AGBL3: variants seen among roughly 807,000 people sequenced by gnomAD.
AGBL3 encodes AGBL carboxypeptidase 3, also known as cytosolic carboxypeptidase 3.
AGBL3 carries 68 observed loss-of-function variants against 94.5 expected under a neutral mutation model. The ratio of observed to expected loss-of-function variants is 0.72; its 90% CI spans 0.59 to 0.88. The LOEUF (loss-of-function observed/expected upper bound fraction) is 0.88, where lower values mean the gene tolerates loss of function less well. Among genes scored for constraint, AGBL3 ranks in the 40% least tolerant of loss-of-function variants. AGBL3 has a pLI of 0.00. For missense variants in AGBL3, 934 were observed against 1,103.8 expected (o/e 0.85, Z 2.18); for synonymous variants, 354 against 370.7 (o/e 0.95, Z 0.52).
intron 4 of AGBL3, among the ~76,000 whole-genome samples, chr7:135,002,960 T>G (rs1811913307): frequency 6.6e-6 from 1 of 152,224 alleles, no homozygotes; most frequent in African/African-American, 2.4e-5. Flanking sequence ...GCAGGAGATT[T>G]GATTACTGTG....
intron 11 of AGBL3, among the ~76,000 whole-genome samples, chr7:135,049,721 T>C (rs908744475): frequency 6.6e-6 from 1 of 151,902 alleles, no homozygotes. Flanking sequence ...CATAACAGTC[T>C]CTTATGATTC....
chr7:135,011,611 A>C (rs185363954), intron 4 of AGBL3: 1 of 152,314 alleles, frequency 6.6e-6, no homozygotes, highest in East Asian at 1.9e-4. Flanking sequence ...TTGAATGGGC[A>C]CTTAATAAAA....
Position 135,034,250 on chromosome 7 carries a change from T to C in AGBL3, c.659T>C (p.Val220Ala), listed in dbSNP as rs1404186468. The stretch of plus-strand genomic sequence containing the variant: ...GTCACTAATATGCGAGCAGGAATAG[T>C]CTACAGATTCACTATTGTCAACTTC... ...FQVTNMRAGI[V>A]YRFTIVNFTK... Residue 220 changes from valine to alanine, a missense_variant, in exon 7 of 17, where the codon GTC becomes GCC. Transcript: ENST00000436302. 1 of 1,551,712 alleles carries C rather than the reference T, an allele frequency of 6.4e-7. No individual in the cohort carries two copies. Among genetic ancestry groups the C allele is most frequent in the East Asian group, 2.4e-5 (1 of 40,912 alleles).
intron 12 of AGBL3, among the ~76,000 whole-genome samples, chr7:135,068,765 C>T (rs1035158923): frequency 2.6e-5 from 4 of 152,152 alleles, no homozygotes; most frequent in African/African-American, 9.7e-5. Flanking sequence ...ACAACCAGTA[C>T]CAGCCACTGC....
intron 5 of AGBL3, among the ~76,000 whole-genome samples, chr7:135,022,353 G>A (rs34958371): frequency 2.2e-4 from 34 of 152,030 alleles, no homozygotes; most frequent in Admixed American, 9.2e-4. Flanking sequence ...TTTAATAATC[G>A]CCATTCTGAC....
chr7:135,045,357 T>G (rs1403937690), intron 9 of AGBL3, 117 bp from the exon 10 acceptor site: 1 of 817,228 alleles, frequency 1.2e-6, no homozygotes, highest in Non-Finnish European at 1.9e-6. Flanking sequence ...AAGAAAAAAA[T>G]CTAAAGGATA....
chr7:135,087,163 T>G (rs949907564), intron 15 of AGBL3, among the ~76,000 whole-genome samples: 1 of 151,998 alleles, frequency 6.6e-6, no homozygotes, highest in Non-Finnish European at 1.5e-5. Flanking sequence ...CCAATGATCC[T>G]TGTATTTCCG....
chr7:135,016,497 A>G (rs971894192), intron 4 of AGBL3, among the ~76,000 whole-genome samples: 4 of 152,134 alleles, frequency 2.6e-5, no homozygotes, highest in Non-Finnish European at 5.9e-5. Flanking sequence ...CCCCCATCAA[A>G]TAGGTCATGG....
At chr7:135,058,772 C>A (rs1009167184) in intron 11 of AGBL3, among the ~76,000 whole-genome samples, 47 of 151,972 alleles carry the variant, frequency 3.1e-4, no homozygotes, top group Non-Finnish European at 3.7e-4. Flanking sequence ...TTTTTCCCCC[C>A]CAAGACAGAG....
chr7:135,054,218 A>T (rs1584954479), intron 11 of AGBL3, among the ~76,000 whole-genome samples: 1 of 152,178 alleles, frequency 6.6e-6, no homozygotes, highest in East Asian at 1.9e-4. Flanking sequence ...AGCTGGATCT[A>T]ACACAGAAAT....
At chr7:135,108,685 T>C (rs1375218600) in intron 15 of AGBL3, among the ~76,000 whole-genome samples, 1 of 152,200 alleles carries the variant, frequency 6.6e-6, no homozygotes, top group Non-Finnish European at 1.5e-5. Flanking sequence ...GGAATGATCT[T>C]CTTGTATAGA....
At chr7:135,088,268 ATCTTT>A (rs1286671307) in intron 15 of AGBL3, among the ~76,000 whole-genome samples, 1 of 152,116 alleles carries the variant, frequency 6.6e-6, no homozygotes, top group Non-Finnish European at 1.5e-5. Context: ...TTCAGTCTAT[ATCTTT>A]TAAGTGGGGA....
Position 135,034,140 on chromosome 7 carries a change from G to A in AGBL3, c.558-9G>A. On this transcript the variant is annotated splice_polypyrimidine_tract_variant and intron_variant, in intron 6 of 16. Transcript: ENST00000436302. ...ACGTGCTTTTTTCCCTTTCTTTCTT[G>A]TGTATTAGGGCAGAATACGAATACC... is the stretch of plus-strand genomic sequence containing the variant. 7.2e-7 allele frequency: 1 copy of A among 1,386,258 alleles called. No individual in the cohort carries two copies. The allele number at this position is 1,386,258 out of a possible 1,614,324, so 85.9% of individuals were successfully genotyped here.
At chr7:135,132,668 C>G (rs1343500814) in intron 16 of AGBL3, among the ~76,000 whole-genome samples, 3 of 152,124 alleles carry the variant, frequency 2.0e-5, no homozygotes, top group Admixed American at 6.6e-5. Flanking sequence ...TCTCGTGGTA[C>G]TGAACAAGTC....
At chr7:135,023,082 A>G (rs1333609207) in intron 5 of AGBL3, among the ~76,000 whole-genome samples, 1 of 152,140 alleles carries the variant, frequency 6.6e-6, no homozygotes, top group Non-Finnish European at 1.5e-5. Flanking sequence ...ATACCACTTC[A>G]CATATAGTGT....
intron 11 of AGBL3, among the ~76,000 whole-genome samples, chr7:135,047,859 C>T (rs759281219): frequency 5.9e-5 from 9 of 151,790 alleles, no homozygotes; most frequent in Non-Finnish European, 8.8e-5. Context: ...TGTACAGAAG[C>T]GTTTTAGTTT....
intron 14 of AGBL3, 144 bp from the exon 15 acceptor site, chr7:135,081,575 G>C (rs1364089620): frequency 2.1e-6 from 1 of 466,542 alleles, no homozygotes; most frequent in African/African-American, 2.0e-5. Context: ...AACATTTGAA[G>C]ACTGCTTATT....
Position 135,135,264 on chromosome 7 carries a change from T to C in AGBL3, c.*3T>C. The C allele has an allele frequency of 6.6e-7, 1 of 1,509,498 alleles. No individual in the cohort carries two copies. The highest frequency in any genetic ancestry group is 8.9e-7 in the Non-Finnish European group (1 of 1,128,390). The allele number at this position is 1,509,498 out of a possible 1,614,324, so 93.5% of individuals were successfully genotyped here. Reference sequence around the variant, plus strand: ...TGAAGTTCCAAAGGGAGAGTTAATCTAGCTTTATACTGCTCTGAGAACTGT... The same window carrying C: ...TGAAGTTCCAAAGGGAGAGTTAATCCAGCTTTATACTGCTCTGAGAACTGT... On this transcript the variant is annotated 3_prime_UTR_variant, in exon 17 of 17. Coordinates refer to ENST00000436302, the MANE Select transcript of AGBL3 (RefSeq NM_178563.4).
At chr7:135,024,929 A>G (rs949220443) in intron 5 of AGBL3, among the ~76,000 whole-genome samples, 1 of 149,650 alleles carries the variant, frequency 6.7e-6, no homozygotes, top group Admixed American at 6.7e-5. Context: ...CAGAAGAAAT[A>G]ATTTTTTTAA....
Sources: allele counts gnomAD v4.1 joint callset (sites outside exome capture counted in the v4.1 genomes callset), GRCh38; gene constraint gnomAD v4.1.1; transcripts MANE v1.5; gene names NCBI Gene and HGNC (gene_info 2026-07-23, HGNC 2026-07-21).